Variants in ASB5 observed in about 807,000 individuals in gnomAD.
The protein encoded by ASB5 is ankyrin repeat and SOCS box protein 5.
In ASB5, 45 loss-of-function variants were observed where a neutral mutation model predicts 42.1. That is an observed-to-expected ratio of 1.07 (90% confidence interval 0.84 to 1.37). ASB5 has a LOEUF of 1.37. Ranked by LOEUF, ASB5 falls within the 40% of genes most tolerant of loss-of-function variation. The probability of loss-of-function intolerance (pLI) is 0.00; values close to 1 mark genes in which losing one functional copy is unlikely to be tolerated. For synonymous variants in ASB5, 147 were observed against 150.6 expected (o/e 0.98, Z 0.18); for missense variants, 402 against 399.8 (o/e 1.01, Z -0.05).
chr4:176,268,629 T>C (rs537041043), intron 1 of ASB5, among the ~76,000 whole-genome samples: 1 of 152,248 alleles, frequency 6.6e-6, no homozygotes, highest in Admixed American at 6.5e-5. Context: ...AAAATGTTTC[T>C]TAATAGGAAT....
upstream of ASB5, among the ~76,000 whole-genome samples, chr4:176,272,945 T>C (rs1045605597): frequency 6.8e-6 from 1 of 146,816 alleles, no homozygotes; most frequent in Non-Finnish European, 1.5e-5. Flanking sequence ...GATGACCTTT[T>C]TTTTTTTTTT....
intron 1 of ASB5, among the ~76,000 whole-genome samples, chr4:176,229,456 T>A (rs932706656): frequency 6.6e-6 from 1 of 152,170 alleles, no homozygotes; most frequent in Non-Finnish European, 1.5e-5. Context: ...ATCAAAATGA[T>A]TGTATTAGTC....
At chr4:176,220,491 G>A (rs914801568) in intron 5 of ASB5, among the ~76,000 whole-genome samples, 5 of 152,112 alleles carry the variant, frequency 3.3e-5, no homozygotes, top group Admixed American at 6.6e-5. Flanking sequence ...CGACGCTAAA[G>A]AAAAGAGGGA....
At chr4:176,218,498 ATATT>A (rs1322039350) in intron 5 of ASB5, among the ~76,000 whole-genome samples, 4 of 81,426 alleles carry the variant, frequency 4.9e-5, no homozygotes, top group East Asian at 5.8e-4. Flanking sequence ...ATAAATATAT[ATATT>A]TGTATGATAT....
rs753319825 is a variant in ASB5 at position 176,221,553 on chromosome 4, G to C, written c.432C>G (p.Cys144Trp). The C allele has an allele frequency of 1.9e-6, 3 of 1,613,854 alleles. No homozygotes were observed. ...CTGCACAGCTTGGACTGCCTTGGGA[G>C]CATGCGTTGAATAACGGAGTCACGC... Reference protein sequence around the residue: ...IDGVTPLFNACSQGSPSCAEL... With the variant: ...IDGVTPLFNAWSQGSPSCAEL... Residue 144 changes from cysteine to tryptophan, a missense_variant, in exon 4 of 7, where the codon TGC becomes TGG. Cys to Trp is a radical substitution (Grantham distance 215, BLOSUM62 -2). Coordinates refer to ENST00000296525, the MANE Select transcript of ASB5 (RefSeq NM_080874.4).
chr4:176,246,309 G>A (rs937531120), intron 1 of ASB5, among the ~76,000 whole-genome samples: 1 of 152,180 alleles, frequency 6.6e-6, no homozygotes, highest in Non-Finnish European at 1.5e-5. Context: ...AGATTTTTCT[G>A]AGGCAATCTT....
chr4:176,221,324 C>A (rs780447709), intron 4 of ASB5, 35 bp from the exon 5 acceptor site: 7 of 1,608,584 alleles, frequency 4.4e-6, no homozygotes, highest in Non-Finnish European at 5.9e-6. Context: ...TAACTTAATG[C>A]CCATCCACCC....
chr4:176,225,236 A>G, intron 2 of ASB5, 26 bp downstream of exon 2: 1 of 1,577,212 alleles, frequency 6.3e-7, no homozygotes, highest in Non-Finnish European at 8.7e-7. Context: ...AAGGGGGTAT[A>G]TTTTAAACTA....
chr4:176,270,172 C>A (rs1042280902), upstream of ASB5, among the ~76,000 whole-genome samples: 1 of 151,922 alleles, frequency 6.6e-6, no homozygotes, highest in Non-Finnish European at 1.5e-5. Flanking sequence ...AATGATATGC[C>A]AAAATACAAA....
chr4:176,218,251 AATAT>A (rs781483417), intron 5 of ASB5, among the ~76,000 whole-genome samples: 2 of 24,898 alleles, frequency 8.0e-5, no homozygotes, highest in Non-Finnish European at 1.5e-4. Flanking sequence ...ATGATATATA[AATAT>A]ATATATATTT....
intron 1 of ASB5, chr4:176,241,476 T>G (rs988282596): frequency 2.0e-6 from 3 of 1,535,422 alleles, no homozygotes; most frequent in Non-Finnish European, 2.6e-6. Flanking sequence ...TACTGCCAAA[T>G]TTCCACCATT....
rs528357238 is a variant in ASB5 at position 176,231,423 on chromosome 4, G to A, written c.197-6082C>T. 2.6e-5 allele frequency among the ~76,000 whole-genome samples: 3 copies of A among 114,608 alleles called. No homozygotes were observed. The South Asian group carries it at 8.0e-4, about 31-fold the overall frequency. 75.2% of individuals were successfully genotyped at this position (114,608 alleles called of 152,430 possible). ...CTCCTCTTTATTTGAGAAACTGCTGGTCCTAACTTATTTTTTTCTCCTTAC... is the reference window on the plus strand; with the variant it reads ...CTCCTCTTTATTTGAGAAACTGCTGATCCTAACTTATTTTTTTCTCCTTAC... On this transcript the variant is annotated intron_variant, in intron 1 of 6. Coordinates refer to ENST00000296525, the MANE Select transcript of ASB5 (RefSeq NM_080874.4).
intron 1 of ASB5, among the ~76,000 whole-genome samples, chr4:176,235,456 A>G (rs574263881): frequency 1.3e-5 from 2 of 152,252 alleles, no homozygotes; most frequent in Admixed American, 1.3e-4. Context: ...ATTTGTTTTC[A>G]TTTAAGATAT....
intron 1 of ASB5, among the ~76,000 whole-genome samples, chr4:176,255,054 C>T (rs143389071): frequency 0.025 from 3,843 of 152,224 alleles, 74 homozygotes; most frequent in South Asian, 0.06. Flanking sequence ...CACTTGAACC[C>T]GGAAGGTGGA....
chr4:176,222,481 A>G, intron 2 of ASB5, 61 bp from the exon 3 acceptor site: 1 of 1,362,580 alleles, frequency 7.3e-7, no homozygotes, highest in Non-Finnish European at 1.0e-6. Context: ...AATCATCTAT[A>G]TGGATGTCAC....
At chr4:176,248,111 T>C (rs1753946995) in intron 1 of ASB5, among the ~76,000 whole-genome samples, 2 of 152,106 alleles carry the variant, frequency 1.3e-5, no homozygotes, top group African/African-American at 2.4e-5. Context: ...GCCCACCATA[T>C]TGGCAATTTT....
chr4:176,265,030 T>C (rs1158200550), intron 1 of ASB5, among the ~76,000 whole-genome samples: 1 of 152,172 alleles, frequency 6.6e-6, no homozygotes, highest in Non-Finnish European at 1.5e-5. Context: ...CTCCAAAGAA[T>C]ATTACTATAT....
At chr4:176,274,304 C>A (rs1057152631) in intron 2 of ASB5, among the ~76,000 whole-genome samples, 1 of 152,080 alleles carries the variant, frequency 6.6e-6, no homozygotes, top group East Asian at 1.9e-4. Context: ...GTAATAAAGT[C>A]ATTTTTGCTG....
chr4:176,215,706 T>C lies in ASB5; in HGVS notation c.884A>G (p.Gln295Arg), dbSNP rs761013028. The stretch of plus-strand genomic sequence containing the variant: ...GCTTCGGATACAGAGTCGGCAAAGT[T>C]GGTAAAGAGAGCTTGGGGTAGCTAC... ...QHEATPSSLY[Q>R]LCRLCIRSYI... The change falls in exon 7 of 7, where the codon CAA becomes CGA. Residue 295 changes from glutamine (Q) to arginine (R), a missense_variant. Physicochemically the swap from Gln to Arg is conservative, Grantham distance 43 (BLOSUM62 1). Coordinates refer to ENST00000296525, the MANE Select transcript of ASB5 (RefSeq NM_080874.4). 1 of 1,612,762 alleles carries C rather than the reference T, an allele frequency of 6.2e-7. No individual in the cohort carries two copies. Among genetic ancestry groups the C allele is most frequent in the Non-Finnish European group, 8.5e-7 (1 of 1,179,346 alleles).
Sources: gnomAD v4.1 joint callset for allele counts (sites outside exome capture counted in the v4.1 genomes callset) on GRCh38, gnomAD v4.1.1 for gene constraint, MANE v1.5 for transcripts, NCBI Gene and HGNC (gene_info 2026-07-23, HGNC 2026-07-21) for gene names.